The following CLCN7 variants were observed in gnomAD, a reference collection of about 807,000 sequenced individuals.
CLCN7 encodes H(+)/Cl(-) exchange transporter 7.
A neutral mutation model predicts 102.1 loss-of-function variants in CLCN7; 60 were observed. That is an observed-to-expected ratio of 0.59 (90% CI 0.48 to 0.73). CLCN7 has a LOEUF of 0.73. Ranked by LOEUF, CLCN7 falls within the 30% of genes least tolerant of loss-of-function variation. The pLI is 0.00. For missense variants in CLCN7, 962 were observed against 1,125.7 expected (o/e 0.85, Z 2.08); for synonymous variants, 560 against 490.5 (o/e 1.14, Z -1.87).
At chr16:1,461,697 G>C in intron 2 of CLCN7, 23 bp from the exon 3 acceptor site, 1 of 1,606,596 alleles carries the variant, frequency 6.2e-7, no homozygotes. Context: ...AAGGCAAAGA[G>C]AGAAGCACAG....
Position 1,447,723 on chromosome 16 carries a change from C to T in CLCN7, c.2014-9G>A, listed in dbSNP as rs778996394. 4 of 1,550,612 alleles carry T rather than the reference C, an allele frequency of 2.6e-6. No individual in the cohort carries two copies. Among genetic ancestry groups the T allele is most frequent in the Admixed American group, 3.9e-5 (2 of 51,086 alleles). ...CCCTGGAGCCGGGCAGGCTGCAAGA[C>T]AGGCCCGCGGTCAGGGCCACGGGCC... On this transcript the variant is annotated splice_polypyrimidine_tract_variant and intron_variant, in intron 21 of 24. Transcript: ENST00000382745.
chr16:1,456,316 C>T (rs1275287674), intron 9 of CLCN7, 110 bp from the exon 10 acceptor site: 4 of 796,170 alleles, frequency 5.0e-6, no homozygotes, highest in Non-Finnish European at 6.4e-6. Context: ...GCTTTCAGGA[C>T]AACCGAGTCA....
chr16:1,449,647 C>A (rs958196692), intron 17 of CLCN7: 1 of 416,782 alleles, frequency 2.4e-6, no homozygotes, highest in South Asian at 2.3e-5. Context: ...CCGGCACACA[C>A]GACACAGAGA....
intron 1 of CLCN7, among the ~76,000 whole-genome samples, chr16:1,472,271 T>TC (rs2039088950): frequency 6.6e-6 from 1 of 152,228 alleles, no homozygotes; most frequent in African/African-American, 2.4e-5. Flanking sequence ...GGAGTTTTGT[T>TC]CTTGTTGCCC....
At position 1,450,511 on chromosome 16, in the gene CLCN7, G is replaced by A; in HGVS notation, c.1603C>T (p.Leu535Phe). Residue 535 changes from leucine (L) to phenylalanine (F), a missense_variant, in exon 17 of 25, where the codon CTC (leucine) becomes TTC (phenylalanine). By Grantham distance (22) the Leu-to-Phe change is conservative. Around this residue, in one of 2 missense-constraint regions of CLCN7, gnomAD observed 799 missense variants for 988.0 expected, o/e 0.81. Coordinates refer to ENST00000382745, the MANE Select transcript of CLCN7 (RefSeq NM_001287.6). ...GRLFGISLSY[L>F]TGAAIWADPG... is the part of the protein sequence containing the mutation. ...GCCCCACTCACCGCCGCCCCCGTGA[G>A]GTAGGACAGGGAGATCCCAAAGAGC... 2 of 1,606,704 alleles carry A rather than the reference G, an allele frequency of 1.2e-6. No individual in the cohort carries two copies. Among genetic ancestry groups the A allele is most frequent in the Non-Finnish European group, 1.7e-6 (2 of 1,177,432 alleles).
intron 14 of CLCN7, among the ~76,000 whole-genome samples, chr16:1,453,242 A>G (rs1281305250): frequency 6.6e-6 from 1 of 151,806 alleles, no homozygotes; most frequent in Non-Finnish European, 1.5e-5. Flanking sequence ...AGAACTCCCG[A>G]CCTCAGGTGA....
In CLCN7 at chr16:1,457,414, G is replaced by C. The variant is rs2038851630; in HGVS notation, c.739-77C>G. 3 of 1,364,774 alleles carry C rather than the reference G, an allele frequency of 2.2e-6. No homozygotes were observed. The East Asian group carries it at 7.0e-5, about 32-fold the overall frequency. The allele number at this position is 1,364,774 out of a possible 1,614,324, so 84.5% of individuals were successfully genotyped here. A position where few individuals can be genotyped will look rare whatever the true frequency, so the allele number is the denominator to read the frequency against. On this transcript the variant is annotated intron_variant, in intron 8 of 24. Transcript: ENST00000382745. The surrounding 1 kb of genome is among the most constrained non-coding windows in gnomAD (Gnocchi z 5.4). ...TGGAGACCAGAAGGACCGATGCTCA[G>C]AGACACGCGTGACGCGGCCCTTCCT...
intron 2 of CLCN7, among the ~76,000 whole-genome samples, chr16:1,462,251 G>A (rs576752836): frequency 3.3e-5 from 5 of 151,724 alleles, no homozygotes; most frequent in South Asian, 2.1e-4. Flanking sequence ...CCATGAGGCC[G>A]GGTGCGGTGG....
At position 1,459,093 on chromosome 16, in the gene CLCN7, C is replaced by G. The variant is rs748957866; in HGVS notation, c.675+14G>C. The G allele has an allele frequency of 6.2e-7, 1 of 1,602,942 alleles. No homozygotes were observed. The highest frequency in any genetic ancestry group is 2.2e-5 in the East Asian group (1 of 44,570). On this transcript the variant is annotated intron_variant, in intron 7 of 24. Transcript: ENST00000382745. ...GGCGCCCACCCTGCCCAGCCAGGGC[C>G]ACCGCACCCTCACCTTGAGCCGCAC...
intron 1 of CLCN7, 40 bp downstream of exon 1, chr16:1,474,794 G>A: frequency 7.8e-7 from 1 of 1,280,324 alleles, no homozygotes; most frequent in Non-Finnish European, 9.9e-7. Flanking sequence ...CGGGGCGCAC[G>A]AGGGCTCAGT....
In CLCN7 at chr16:1,468,301, C is replaced by T. The variant is rs1596229648; in HGVS notation, c.142-2963G>A. Reference sequence around the variant, plus strand: ...CCCACCGCCGCCGCCTTGGCAGATCCGAGAGGGGTGAGGGGTGAGGGGTTG... The same window carrying T: ...CCCACCGCCGCCGCCTTGGCAGATCTGAGAGGGGTGAGGGGTGAGGGGTTG... On this transcript the variant is annotated intron_variant, in intron 1 of 24. Transcript: ENST00000382745. Among the ~76,000 whole-genome samples, 5 of 152,306 alleles carry T rather than the reference C, an allele frequency of 3.3e-5. No individual in the cohort carries two copies. In the South Asian group the frequency reaches 6.2e-4, roughly 19 times the overall value.
At chr16:1,471,089 T>C (rs2039071530) in intron 1 of CLCN7, among the ~76,000 whole-genome samples, 2 of 152,038 alleles carry the variant, frequency 1.3e-5, no homozygotes, top group African/African-American at 4.8e-5. Flanking sequence ...AATTCACCAC[T>C]ACACCACACA....
In CLCN7 at chr16:1,446,117, C is replaced by G; in HGVS notation, c.*514G>C. On this transcript the variant is annotated 3_prime_UTR_variant, in exon 25 of 25. Transcript: ENST00000382745. ...CCTCCAAACCCTGGTGCTACGAGTC[C>G]GTGCCTCAGGCCCAGGGACCACAGG... is the stretch of plus-strand genomic sequence containing the variant. 1.7e-6 allele frequency: 1 copy of G among 597,846 alleles called. No individual in the cohort carries two copies. Among genetic ancestry groups the G allele is most frequent in the Non-Finnish European group, 3.0e-6 (1 of 336,464 alleles). 37.0% of individuals were successfully genotyped at this position (597,846 alleles called of 1,614,324 possible).
intron 1 of CLCN7, chr16:1,474,412 G>A (rs1323246438): frequency 8.9e-6 from 3 of 338,556 alleles, no homozygotes; most frequent in Non-Finnish European, 1.7e-5. Context: ...CATCTCCCAG[G>A]GGGTCAAAAA....
In CLCN7 at chr16:1,453,114, T is replaced by C. The variant is rs113214495; in HGVS notation, c.1215-221A>G. On this transcript the variant is annotated intron_variant, in intron 14 of 24. Coordinates refer to ENST00000382745, the MANE Select transcript of CLCN7 (RefSeq NM_001287.6). ...CCTCCACCTCCCAGGTTCAAGCAAT[T>C]GTCTTGCCTCAGCCTCCCGAGTAGC... Among the ~76,000 whole-genome samples the C allele has an allele frequency of 5.6e-3, 850 of 152,272 alleles. 8 individuals are homozygous for C. Among genetic ancestry groups the C allele is most frequent in the African/African-American group, 0.02 (813 of 41,544 alleles).
chr16:1,455,418 G>A lies in CLCN7; in HGVS notation c.982-168C>T, dbSNP rs77303734. 3.0e-3 allele frequency: 2,083 copies of A among 690,148 alleles called. 31 individuals are homozygous for A. The African/African-American group carries it at 0.031, about 10-fold the overall frequency. The allele number at this position is 690,148 out of a possible 1,614,324, so 42.8% of individuals were successfully genotyped here. The stretch of plus-strand genomic sequence containing the variant: ...GGAGCCAGGGGTGGGCGCACTGTGC[G>A]GGCAAGGAGCGGCCCAGCCCTCTCT... On this transcript the variant is annotated intron_variant, in intron 11 of 24. Transcript: ENST00000382745.
chr16:1,468,026 T>G (rs1006200820), intron 1 of CLCN7, among the ~76,000 whole-genome samples: 1 of 151,962 alleles, frequency 6.6e-6, no homozygotes, highest in African/African-American at 2.4e-5. Flanking sequence ...GAGGCTACAG[T>G]GAGCTATGGT....
In CLCN7 at chr16:1,450,731, G is replaced by A. The variant is rs979987299; in HGVS notation, c.1448-65C>T. 114 of 1,217,298 alleles carry A rather than the reference G, an allele frequency of 9.4e-5. 1 individual carries two copies. In the Admixed American group the frequency reaches 2.7e-3, roughly 29 times the overall value. The allele number at this position is 1,217,298 out of a possible 1,614,324, so 75.4% of individuals were successfully genotyped here. On this transcript the variant is annotated intron_variant, in intron 16 of 24. Transcript: ENST00000382745. ...CGCCTCCGCAGGACTGCCCTGCCCC[G>A]CTGCCCAGTCTCGGGCCTCACAGTC...
At position 1,450,727 on chromosome 16, in the gene CLCN7, C is replaced by A; in HGVS notation, c.1448-61G>T. ...CTCCCGCCTCCGCAGGACTGCCCTG[C>A]CCCGCTGCCCAGTCTCGGGCCTCAC... On this transcript the variant is annotated intron_variant, in intron 16 of 24. Coordinates refer to ENST00000382745, the MANE Select transcript of CLCN7 (RefSeq NM_001287.6). 2.1e-6 allele frequency: 3 copies of A among 1,400,190 alleles called. No individual in the cohort carries two copies. The South Asian group carries it at 4.0e-5, about 19-fold the overall frequency. 86.7% of individuals were successfully genotyped at this position (1,400,190 alleles called of 1,614,324 possible). A position where few individuals can be genotyped will look rare whatever the true frequency, so the allele number is the denominator to read the frequency against.
Sources: gnomAD v4.1 joint callset for allele counts (sites outside exome capture counted in the v4.1 genomes callset) on GRCh38, gnomAD v4.1.1 for gene constraint, gnomAD v4.1.1 regional missense constraint, Gnocchi (gnomAD v3.1) non-coding constraint, MANE v1.5 for transcripts, NCBI Gene and HGNC (gene_info 2026-07-23, HGNC 2026-07-21) for gene names.